The following GALNT13 variants were observed in gnomAD, a reference collection of about 807,000 sequenced individuals.
GALNT13 encodes the protein UDP-GalNAc:polypeptide N-acetylgalactosaminyltransferase 13.
In GALNT13, 28 loss-of-function variants were observed where a neutral mutation model predicts 64.2. The observed-to-expected ratio is 0.44, with a 90% CI of 0.32 to 0.60. The LOEUF (loss-of-function observed/expected upper bound fraction) is 0.60, where lower values mean the gene tolerates loss of function less well. GALNT13 is among the 20% of genes least tolerant of loss of function. The pLI, the probability that GALNT13 is intolerant of heterozygous loss-of-function variation, is 0.05. For synonymous variants in GALNT13, 214 were observed against 224.6 expected (o/e 0.95, Z 0.42); for missense variants, 577 against 669.8 (o/e 0.86, Z 1.53).
chr2:153,514,126 C>G, the GALNT13 span, among the ~76,000 whole-genome samples: 27 of 152,162 alleles, frequency 1.8e-4, no homozygotes, highest in African/African-American at 6.5e-4. Flanking sequence ...TTTCTTAACA[C>G]TTTTATTTTC....
the GALNT13 span, among the ~76,000 whole-genome samples, chr2:153,662,577 A>G: frequency 4.2e-3 from 636 of 152,294 alleles, 4 homozygotes; most frequent in Non-Finnish European, 5.5e-3. Context: ...ATCCTATCAC[A>G]CAGATTTTCT....
At chr2:153,952,652 G>C (rs1042157448) in intron 3 of GALNT13, among the ~76,000 whole-genome samples, 7 of 152,036 alleles carry the variant, frequency 4.6e-5, no homozygotes, top group African/African-American at 1.7e-4. Flanking sequence ...AGAACTAATA[G>C]GATAGATGTA....
At chr2:153,437,651 C>G in the GALNT13 span, among the ~76,000 whole-genome samples, 7 of 152,078 alleles carry the variant, frequency 4.6e-5, no homozygotes, top group African/African-American at 1.7e-4. Context: ...ATTGCAACCC[C>G]TGCTTTTTTT....
At chr2:153,578,182 G>A in the GALNT13 span, among the ~76,000 whole-genome samples, 1 of 151,974 alleles carries the variant, frequency 6.6e-6, no homozygotes, top group Non-Finnish European at 1.5e-5. Context: ...GTGCTTTAGG[G>A]TAAACTTCAA....
chr2:154,312,827 G>A (rs886080698), intron 9 of GALNT13, among the ~76,000 whole-genome samples: 13 of 152,056 alleles, frequency 8.5e-5, no homozygotes, highest in African/African-American at 3.1e-4. Context: ...ACCAGAATCA[G>A]ATATCTTTCC....
the GALNT13 span, among the ~76,000 whole-genome samples, chr2:153,395,596 A>G: frequency 6.6e-6 from 1 of 152,120 alleles, no homozygotes; most frequent in Non-Finnish European, 1.5e-5. Context: ...AAGAGTTTCT[A>G]TATAGAAAAA....
chr2:154,347,530 A>G (rs1442962113), intron 9 of GALNT13, among the ~76,000 whole-genome samples: 1 of 152,140 alleles, frequency 6.6e-6, no homozygotes, highest in Non-Finnish European at 1.5e-5. Flanking sequence ...CCATACCAAT[A>G]TGTCACCTAT....
intron 9 of GALNT13, among the ~76,000 whole-genome samples, chr2:154,362,240 C>A: frequency 7.1e-6 from 1 of 141,506 alleles, no homozygotes; most frequent in South Asian, 2.4e-4. Context: ...AAATTCTACC[C>A]CCACCCCCAC....
the GALNT13 span, among the ~76,000 whole-genome samples, chr2:153,470,985 A>G: frequency 2.0e-5 from 3 of 152,180 alleles, no homozygotes; most frequent in Non-Finnish European, 4.4e-5. Flanking sequence ...CAGGCCTTCC[A>G]TATTCATGTT....
chr2:153,876,375 G>A (rs932572517), intron 1 of GALNT13, among the ~76,000 whole-genome samples: 2 of 152,058 alleles, frequency 1.3e-5, no homozygotes, highest in African/African-American at 4.8e-5. Flanking sequence ...ATTGTTGAAG[G>A]ACTTCTGCCA....
At chr2:153,910,066 G>C (rs1172341059) in intron 2 of GALNT13, among the ~76,000 whole-genome samples, 20 of 149,936 alleles carry the variant, frequency 1.3e-4, no homozygotes, top group Admixed American at 8.0e-4. Flanking sequence ...CCCTGGCTAG[G>C]CTTTTTTTTT....
the GALNT13 span, among the ~76,000 whole-genome samples, chr2:153,273,562 T>C: frequency 6.6e-6 from 1 of 152,210 alleles, no homozygotes; most frequent in Non-Finnish European, 1.5e-5. Flanking sequence ...ATATAATTGG[T>C]GGCCGTATAT....
chr2:153,828,641 C>T, the GALNT13 span, among the ~76,000 whole-genome samples: 2 of 152,146 alleles, frequency 1.3e-5, no homozygotes, highest in African/African-American at 4.8e-5. Flanking sequence ...ATGGAAGGGG[C>T]TGCTGTGAAG....
At chr2:153,648,488 A>T in the GALNT13 span, among the ~76,000 whole-genome samples, 1 of 152,110 alleles carries the variant, frequency 6.6e-6, no homozygotes, top group Non-Finnish European at 1.5e-5. Flanking sequence ...CCTGGTCAGA[A>T]CTTCCAACAC....
At chr2:154,423,796 G>A (rs1700355998) in intron 11 of GALNT13, among the ~76,000 whole-genome samples, 1 of 152,170 alleles carries the variant, frequency 6.6e-6, no homozygotes, top group South Asian at 2.1e-4. Flanking sequence ...TTCTTCCAAA[G>A]ATTACAATGT....
chr2:153,527,146 G>A, the GALNT13 span, among the ~76,000 whole-genome samples: 2 of 152,038 alleles, frequency 1.3e-5, no homozygotes, highest in Non-Finnish European at 2.9e-5. Flanking sequence ...AACAACAGAT[G>A]CCTTCCCAAA....
the GALNT13 span, among the ~76,000 whole-genome samples, chr2:153,809,917 T>C: frequency 6.6e-6 from 1 of 152,146 alleles, no homozygotes; most frequent in Non-Finnish European, 1.5e-5. Context: ...CAAACATTTG[T>C]TGCCATTAAC....
the GALNT13 span, among the ~76,000 whole-genome samples, chr2:153,458,611 T>G: frequency 6.6e-6 from 1 of 152,200 alleles, no homozygotes; most frequent in Non-Finnish European, 1.5e-5. Context: ...TTACATCTAC[T>G]TGGGTGATAT....
the GALNT13 span, among the ~76,000 whole-genome samples, chr2:153,559,847 G>A: frequency 6.6e-6 from 1 of 151,884 alleles, no homozygotes; most frequent in Non-Finnish European, 1.5e-5. Context: ...AGAAAAATAG[G>A]GTAAGTTTTT....
Sources: gnomAD v4.1 joint callset for allele counts (sites outside exome capture counted in the v4.1 genomes callset) on GRCh38, gnomAD v4.1.1 for gene constraint, MANE v1.5 for transcripts, NCBI Gene and HGNC (gene_info 2026-07-23, HGNC 2026-07-21) for gene names.